The following NCF4 variants were observed in gnomAD, a reference collection of about 807,000 sequenced individuals.
NCF4 encodes the protein neutrophil cytosol factor 4.
Under a neutral mutation model 41.7 loss-of-function variants are expected in NCF4, and 30 were observed. The ratio of observed to expected loss-of-function variants is 0.72; its 90% CI spans 0.54 to 0.97. The LOEUF (loss-of-function observed/expected upper bound fraction) is 0.97, where lower values mean the gene tolerates loss of function less well. Among genes scored for constraint, NCF4 ranks in the 50% least tolerant of loss-of-function variants. The pLI, the probability that NCF4 is intolerant of heterozygous loss-of-function variation, is 0.00. For synonymous variants in NCF4, 195 were observed against 175.8 expected, an observed-to-expected ratio of 1.11 and a Z score of -0.87; for missense variants, 432 against 460.9, an observed-to-expected ratio of 0.94 and a Z score of 0.57.
chr22:36,871,235 C>T (rs1021344857), intron 5 of NCF4, among the ~76,000 whole-genome samples: 9 of 152,238 alleles, frequency 5.9e-5, no homozygotes, highest in African/African-American at 1.7e-4. Context: ...TGCCATGTGG[C>T]AGCCGCAGGC....
At chr22:36,866,918 A>G (rs1939940264) in intron 3 of NCF4, among the ~76,000 whole-genome samples, 1 of 152,076 alleles carries the variant, frequency 6.6e-6, no homozygotes, top group Non-Finnish European at 1.5e-5. Context: ...GAGAGATGGA[A>G]AGAATCCTGG....
intron 4 of NCF4, chr22:36,870,096 G>C (rs776000647): frequency 5.0e-6 from 2 of 403,052 alleles, no homozygotes; most frequent in Non-Finnish European, 9.4e-6. Context: ...TACCCACCTG[G>C]TAAAGTCACC....
intron 7 of NCF4, among the ~76,000 whole-genome samples, chr22:36,875,095 T>A (rs1449825424): frequency 6.6e-6 from 1 of 152,178 alleles, no homozygotes; most frequent in African/African-American, 2.4e-5. Context: ...AATGGCGTGA[T>A]CTCGGCTCAC....
At chr22:36,876,308 C>T (rs193219039) in intron 9 of NCF4, among the ~76,000 whole-genome samples, 30 of 152,240 alleles carry the variant, frequency 2.0e-4, no homozygotes, top group Admixed American at 1.4e-3. Flanking sequence ...GTTGAGCTCA[C>T]GCAGGTTGTG....
intron 9 of NCF4, 39 bp downstream of exon 9, chr22:36,876,133 T>C (rs759719120): frequency 1.9e-6 from 3 of 1,542,106 alleles, no homozygotes; most frequent in East Asian, 4.6e-5. Flanking sequence ...TTAGATACTC[T>C]GGAGAAGAGA....
intron 1 of NCF4, among the ~76,000 whole-genome samples, 179 bp from the exon 2 acceptor site, chr22:36,863,866 T>C (rs1349862089): frequency 1.3e-5 from 2 of 151,996 alleles, no homozygotes; most frequent in African/African-American, 2.4e-5. Context: ...AGGCCTGGGC[T>C]GTGTCTTGTT....
chr22:36,872,558 TGAG>T lies in NCF4; in HGVS notation c.627+136_627+138del, dbSNP rs1048915883. On this transcript the variant is annotated intron_variant, in intron 7 of 9. Transcript: ENST00000248899. ...GTGAGGGTGGAGGTGAGATTGGAGG[TGAG>T]GATGGAGGTAAGAGTGGAGGTGAGG... 4 of 783,230 alleles carry T rather than the reference TGAG, an allele frequency of 5.1e-6. No homozygotes were observed. The African/African-American group carries it at 7.0e-5, about 14-fold the overall frequency. 48.5% of individuals were successfully genotyped at this position (783,230 alleles called of 1,614,324 possible).
At position 36,873,329 on chromosome 22, in the gene NCF4, T is replaced by C. The variant is rs1378731407; in HGVS notation, c.627+904T>C. 2.2e-5 allele frequency among the ~76,000 whole-genome samples: 3 copies of C among 138,756 alleles called. No individual in the cohort carries two copies. In the East Asian group the frequency reaches 7.0e-4, roughly 33 times the overall value. The allele number at this position is 138,756 out of a possible 152,430, so 91.0% of individuals were successfully genotyped here. ...GTTGGAAGTGAGGTTAGAGATGAGGTTGGAGATGAGGTTGGGAATAAGGAT... is the reference window on the plus strand; with the variant it reads ...GTTGGAAGTGAGGTTAGAGATGAGGCTGGAGATGAGGTTGGGAATAAGGAT... On this transcript the variant is annotated intron_variant, in intron 7 of 9. Transcript: ENST00000248899.
chr22:36,875,514 G>T, intron 7 of NCF4, 139 bp from the exon 8 acceptor site: 1 of 776,978 alleles, frequency 1.3e-6, no homozygotes. Context: ...GAACTTCCTC[G>T]CTTTCCCTCC....
At chr22:36,869,037 G>C (rs2284027) in intron 4 of NCF4, among the ~76,000 whole-genome samples, 105,924 of 152,074 alleles carry the variant, frequency 0.7, 38,623 homozygotes, top group Non-Finnish European at 0.81. Context: ...TGCGTGAAGA[G>C]CTTTGACTGG....
chr22:36,861,832 G>A (rs976618092), intron 1 of NCF4, among the ~76,000 whole-genome samples: 3 of 152,142 alleles, frequency 2.0e-5, no homozygotes, highest in African/African-American at 7.2e-5. Context: ...CATCCCTATT[G>A]AGCACCAGGA....
intron 2 of NCF4, 43 bp from the exon 3 acceptor site, chr22:36,864,876 C>A (rs771486459): frequency 6.2e-7 from 1 of 1,613,186 alleles, no homozygotes; most frequent in South Asian, 1.1e-5. Context: ...TTGGCTTGTG[C>A]TCCTGGCCCC....
intron 9 of NCF4, 39 bp from the exon 10 acceptor site, chr22:36,877,589 G>C (rs377128925): frequency 6.2e-7 from 1 of 1,610,134 alleles, no homozygotes; most frequent in Admixed American, 1.7e-5. Context: ...CCTACCTTAC[G>C]CTTAGGCCCT....
At chr22:36,869,920 C>T (rs1569113329) in intron 4 of NCF4, among the ~76,000 whole-genome samples, 1 of 152,232 alleles carries the variant, frequency 6.6e-6, no homozygotes, top group Middle Eastern at 3.4e-3. Context: ...CCCCCACCCC[C>T]GCCAACTGTT....
At chr22:36,862,900 A>G (rs1226805020) in intron 1 of NCF4, among the ~76,000 whole-genome samples, 4 of 152,104 alleles carry the variant, frequency 2.6e-5, no homozygotes, top group Non-Finnish European at 5.9e-5. Context: ...CTGCCCTCCA[A>G]GGGTTCTTCC....
chr22:36,872,385 T>G lies in NCF4; in HGVS notation c.587T>G (p.Val196Gly), dbSNP rs754833887. The G allele has an allele frequency of 3.7e-6, 6 of 1,613,686 alleles. No individual in the cohort carries two copies. In the South Asian group the frequency reaches 6.6e-5, roughly 18 times the overall value. The change falls in exon 7 of 10, where the codon GTG (valine) becomes GGG (glycine). Residue 196 changes from valine (V) to glycine (G), a missense_variant. By Grantham distance (109) the Val-to-Gly change is moderately radical. Coordinates refer to ENST00000248899, the MANE Select transcript of NCF4 (RefSeq NM_000631.5). ...KLELNFKAGD[V>G]IFLLSRINKD... ...GAGCTGAATTTCAAAGCTGGAGATG[T>G]GATCTTCCTCCTCAGTCGGATCAAC...
chr22:36,869,211 C>T (rs943481469), intron 4 of NCF4, among the ~76,000 whole-genome samples: 2 of 152,168 alleles, frequency 1.3e-5, no homozygotes, highest in African/African-American at 2.4e-5. Context: ...CACTGTGCCT[C>T]GTTGTAATGA....
chr22:36,874,609 C>G (rs760258701), intron 7 of NCF4, among the ~76,000 whole-genome samples: 1 of 152,182 alleles, frequency 6.6e-6, no homozygotes. Flanking sequence ...TATCAGTATG[C>G]TGGCTAACTT....
intron 8 of NCF4, 122 bp from the exon 9 acceptor site, chr22:36,875,907 C>A: frequency 6.2e-7 from 1 of 1,614,214 alleles, no homozygotes; most frequent in South Asian, 1.1e-5. Context: ...CCCAGATGAG[C>A]CACAATGCTG....
Sources: gnomAD v4.1 joint callset for allele counts (sites outside exome capture counted in the v4.1 genomes callset) on GRCh38, gnomAD v4.1.1 for gene constraint, MANE v1.5 for transcripts, NCBI Gene and HGNC (gene_info 2026-07-23, HGNC 2026-07-21) for gene names.